KLF15: variants seen among roughly 807,000 people sequenced by gnomAD.
KLF15 encodes the protein Krueppel-like factor 15.
KLF15 carries 4 observed loss-of-function variants against 24.6 expected under a neutral mutation model. The ratio of observed to expected loss-of-function variants is 0.16; its 90% CI spans 0.08 to 0.37. The LOEUF is 0.37. Ranked by LOEUF, KLF15 falls within the 10% of genes least tolerant of loss-of-function variation. The probability of loss-of-function intolerance (pLI) is 1.00; values close to 1 mark genes in which losing one functional copy is unlikely to be tolerated. For missense variants in KLF15, 496 were observed against 560.6 expected (o/e 0.88, Z 1.16); for synonymous variants, 246 against 236.3 (o/e 1.04, Z -0.37).
At chr3:126,304,312 A>G in the KLF15 span, among the ~76,000 whole-genome samples, 1 of 152,236 alleles carries the variant, frequency 6.6e-6, no homozygotes, top group East Asian at 1.9e-4. Context: ...ATAAATCTGA[A>G]AGACAATACC....
At chr3:126,341,757 T>A (rs1173512545), downstream of KLF15, among the ~76,000 whole-genome samples, 1 of 151,938 alleles carries the variant, frequency 6.6e-6, no homozygotes, top group Admixed American at 6.6e-5. Context: ...AGCCTCCAGA[T>A]CTCCAAGGTT....
chr3:126,346,263 C>T (rs1004824374), intron 2 of KLF15, among the ~76,000 whole-genome samples: 1 of 152,200 alleles, frequency 6.6e-6, no homozygotes, highest in Middle Eastern at 3.2e-3. Flanking sequence ...AAGCTGCAGA[C>T]ACAGAGTGCC....
the KLF15 span, among the ~76,000 whole-genome samples, chr3:126,314,140 C>T: frequency 3.7e-4 from 57 of 152,120 alleles, no homozygotes; most frequent in Non-Finnish European, 7.6e-4. Flanking sequence ...CGGTGGCCAA[C>T]GGTCACCCAG....
chr3:126,303,607 G>A, the KLF15 span, among the ~76,000 whole-genome samples: 1 of 151,008 alleles, frequency 6.6e-6, no homozygotes, highest in Non-Finnish European at 1.5e-5. Flanking sequence ...GATGTATCTT[G>A]GTGTCTTTTT....
chr3:126,290,468 A>G, the KLF15 span, among the ~76,000 whole-genome samples: 1 of 151,742 alleles, frequency 6.6e-6, no homozygotes, highest in Non-Finnish European at 1.5e-5. Context: ...TGTTTGCCCT[A>G]TTAGGGTGCC....
chr3:126,300,708 A>G, the KLF15 span, among the ~76,000 whole-genome samples: 1 of 152,300 alleles, frequency 6.6e-6, no homozygotes, highest in South Asian at 2.1e-4. Flanking sequence ...GACTTCCTCC[A>G]CAGACCCTGA....
the KLF15 span, among the ~76,000 whole-genome samples, chr3:126,328,296 T>C: frequency 6.6e-6 from 1 of 152,230 alleles, no homozygotes; most frequent in Non-Finnish European, 1.5e-5. Context: ...TTCCATCATA[T>C]ATATATATAC....
At chr3:126,307,493 C>T in the KLF15 span, among the ~76,000 whole-genome samples, 1 of 152,160 alleles carries the variant, frequency 6.6e-6, no homozygotes, top group Non-Finnish European at 1.5e-5. Context: ...GGGCAAGGTC[C>T]TAAGGGGAAT....
the KLF15 span, among the ~76,000 whole-genome samples, chr3:126,326,186 C>T: frequency 1.8e-5 from 2 of 112,162 alleles, no homozygotes. Flanking sequence ...GTTTTGGTAC[C>T]AGTACCATGC....
chr3:126,352,743 G>C lies in KLF15; in HGVS notation c.180C>G (p.Leu60=), dbSNP rs1363148799. The stretch of plus-strand genomic sequence containing the variant: ...CCAGGCCTCCACCATAGCAGGAGCA[G>C]AGGGCTTGAGAGTCGGGACTGGAAC... ...CSCSSPDSQA[L]CSCYGGGLGT... Residue 60 remains leucine, a synonymous_variant, in exon 2 of 3, where the codon CTC becomes CTG. Coordinates refer to ENST00000296233, the MANE Select transcript of KLF15 (RefSeq NM_014079.4). The C allele has an allele frequency of 6.4e-7, 1 of 1,572,170 alleles. No homozygotes were observed. Among genetic ancestry groups the C allele is most frequent in the East Asian group, 2.4e-5 (1 of 42,450 alleles).
chr3:126,288,643 G>A, the KLF15 span, among the ~76,000 whole-genome samples: 2 of 152,238 alleles, frequency 1.3e-5, no homozygotes, highest in African/African-American at 4.8e-5. Flanking sequence ...GACAGAGGGC[G>A]TGAAGTTGGC....
rs888566254 is a variant in KLF15 at position 126,352,982 on chromosome 3, G to A, written c.-25-35C>T. The A allele has an allele frequency of 3.2e-6, 5 of 1,545,526 alleles. No individual in the cohort carries two copies. In the African/African-American group the frequency reaches 5.5e-5, roughly 17 times the overall value. Reference sequence around the variant, plus strand: ...AGGAACACAGGAGGCCTGGTCAGAAGGACAGTGCTCACCTGCCACCTCGCA... The same window carrying A: ...AGGAACACAGGAGGCCTGGTCAGAAAGACAGTGCTCACCTGCCACCTCGCA... On this transcript the variant is annotated intron_variant, in intron 1 of 2. Coordinates refer to ENST00000296233, the MANE Select transcript of KLF15 (RefSeq NM_014079.4).
At chr3:126,339,149 T>C (rs2082460917), downstream of KLF15, among the ~76,000 whole-genome samples, 1 of 152,092 alleles carries the variant, frequency 6.6e-6, no homozygotes, top group African/African-American at 2.4e-5. Flanking sequence ...TGGTGTCCCT[T>C]CCTGACGGGC....
chr3:126,304,753 C>A, the KLF15 span, among the ~76,000 whole-genome samples: 36 of 152,216 alleles, frequency 2.4e-4, no homozygotes, highest in African/African-American at 8.0e-4. Context: ...TAAGTCTCCA[C>A]TTTCCCATGT....
chr3:126,339,586 G>T (rs1171744389), downstream of KLF15, among the ~76,000 whole-genome samples: 8 of 152,134 alleles, frequency 5.3e-5, no homozygotes. Flanking sequence ...CTCAGACATG[G>T]CCCCCACTCT....
At chr3:126,341,059 T>G (rs2082476084), downstream of KLF15, among the ~76,000 whole-genome samples, 1 of 152,222 alleles carries the variant, frequency 6.6e-6, no homozygotes, top group East Asian at 1.9e-4. Flanking sequence ...CATAAAGAGC[T>G]GGAGCCCAGG....
the KLF15 span, among the ~76,000 whole-genome samples, chr3:126,333,394 C>T: frequency 9.2e-4 from 139 of 150,610 alleles, no homozygotes; most frequent in Non-Finnish European, 1.6e-3. Flanking sequence ...CACCACTAGG[C>T]CTGCCCTAAA....
At chr3:126,298,768 T>G in the KLF15 span, among the ~76,000 whole-genome samples, 1 of 152,178 alleles carries the variant, frequency 6.6e-6, no homozygotes, top group African/African-American at 2.4e-5. Flanking sequence ...TGAAGATCAG[T>G]TGGCTGTAAA....
At chr3:126,328,807 G>T in the KLF15 span, among the ~76,000 whole-genome samples, 1 of 152,238 alleles carries the variant, frequency 6.6e-6, no homozygotes, top group Admixed American at 6.5e-5. Context: ...TATTTACAAA[G>T]TTAGATATCT....
Sources: allele counts gnomAD v4.1 joint callset (sites outside exome capture counted in the v4.1 genomes callset), GRCh38; gene constraint gnomAD v4.1.1; transcripts MANE v1.5; gene names NCBI Gene and HGNC (gene_info 2026-07-23, HGNC 2026-07-21).